TNFRSF21: variants seen among roughly 807,000 people sequenced by gnomAD.
The protein encoded by TNFRSF21 is tumor necrosis factor receptor superfamily member 21.
TNFRSF21 carries 19 observed loss-of-function variants against 45.6 expected under a neutral mutation model. That is an observed-to-expected ratio of 0.42 (90% CI 0.29 to 0.61). The LOEUF (loss-of-function observed/expected upper bound fraction) is 0.61, where lower values mean the gene tolerates loss of function less well. Ranked by LOEUF, TNFRSF21 falls within the 20% of genes least tolerant of loss-of-function variation. TNFRSF21 has a pLI of 0.23. For missense variants in TNFRSF21, 737 were observed against 851.5 expected, an observed-to-expected ratio of 0.87 and a Z score of 1.67; for synonymous variants, 314 against 335.5, an observed-to-expected ratio of 0.94 and a Z score of 0.70.
rs769939448 is a variant in TNFRSF21 at position 47,309,553 on chromosome 6, G to A, written c.-42C>T. 52 of 1,396,152 alleles carry A rather than the reference G, an allele frequency of 3.7e-5. 1 individual carries two copies. In the South Asian group the frequency reaches 6.1e-4, roughly 16 times the overall value. The allele number at this position is 1,396,152 out of a possible 1,614,324, so 86.5% of individuals were successfully genotyped here. A position where few individuals can be genotyped will look rare whatever the true frequency, so the allele number is the denominator to read the frequency against. Reference sequence around the variant, plus strand: ...CGCAGGGGCGCCCGGGGCGCGCGGGGCAGCTGGAATCGGCGGCTGCTTCTG... The same window carrying A: ...CGCAGGGGCGCCCGGGGCGCGCGGGACAGCTGGAATCGGCGGCTGCTTCTG... On this transcript the variant is annotated 5_prime_UTR_variant, in exon 1 of 6. Transcript: ENST00000296861.
intron 3 of TNFRSF21, among the ~76,000 whole-genome samples, chr6:47,264,208 C>T (rs1762292389): frequency 2.0e-5 from 3 of 152,100 alleles, no homozygotes. Context: ...TTAGTTAAAA[C>T]ATGGAGTGAA....
At chr6:47,295,491 G>A (rs993148493) in intron 1 of TNFRSF21, among the ~76,000 whole-genome samples, 1 of 152,214 alleles carries the variant, frequency 6.6e-6, no homozygotes, top group African/African-American at 2.4e-5. Context: ...TGAAGAGGAA[G>A]CCCGTTACCG....
rs1437412790 is a variant in TNFRSF21 at position 47,284,168 on chromosome 6, T to C, written c.1013A>G (p.Gln338Arg). Residue 338 changes from glutamine (Q) to arginine (R), a missense_variant, in exon 3 of 6, where the codon CAG becomes CGG. Transcript: ENST00000296861. ...GATGTCAAAATGCTTGTGTAGGTTCTGTCTAGGATGTCCCCTCTTGGGGCC... is the reference window on the plus strand; with the variant it reads ...GATGTCAAAATGCTTGTGTAGGTTCCGTCTAGGATGTCCCCTCTTGGGGCC... ...IKGPKRGHPR[Q>R]NLHKHFDINE... The C allele has an allele frequency of 5.6e-6, 9 of 1,614,116 alleles. No homozygotes were observed. The Admixed American group carries it at 1.3e-4, about 24-fold the overall frequency.
At chr6:47,305,747 T>C (rs1451282817) in intron 1 of TNFRSF21, among the ~76,000 whole-genome samples, 1 of 152,226 alleles carries the variant, frequency 6.6e-6, no homozygotes, top group Non-Finnish European at 1.5e-5. Flanking sequence ...CTATCTGGAA[T>C]TCATAATGCT....
At chr6:47,286,984 C>A (rs184236005) in intron 1 of TNFRSF21, among the ~76,000 whole-genome samples, 1 of 152,128 alleles carries the variant, frequency 6.6e-6, no homozygotes, top group African/African-American at 2.4e-5. Context: ...TGGCTCACAC[C>A]TGTAATTTTT....
intron 3 of TNFRSF21, 85 bp downstream of exon 3, chr6:47,283,853 C>T (rs1447739050): frequency 1.1e-5 from 16 of 1,516,566 alleles, no homozygotes; most frequent in South Asian, 4.0e-5. Flanking sequence ...CCACAAACTA[C>T]GCATTCCCAT....
chr6:47,257,490 C>T (rs1478934467), intron 3 of TNFRSF21, among the ~76,000 whole-genome samples: 1 of 152,172 alleles, frequency 6.6e-6, no homozygotes, highest in Non-Finnish European at 1.5e-5. Flanking sequence ...TAGTCTAGCA[C>T]ATTATCACAA....
chr6:47,297,112 G>C (rs1372652506), intron 1 of TNFRSF21, among the ~76,000 whole-genome samples: 2 of 152,168 alleles, frequency 1.3e-5, no homozygotes, highest in Admixed American at 6.5e-5. Flanking sequence ...GGTCAGAACT[G>C]AATTGAACTA....
intron 3 of TNFRSF21, among the ~76,000 whole-genome samples, chr6:47,273,734 A>G (rs2113859267): frequency 6.6e-6 from 1 of 152,352 alleles, no homozygotes; most frequent in Middle Eastern, 3.4e-3. Context: ...CCCTGTTTGC[A>G]GATGACATGA....
At chr6:47,281,155 T>G (rs1012672854) in intron 3 of TNFRSF21, among the ~76,000 whole-genome samples, 3 of 152,128 alleles carry the variant, frequency 2.0e-5, no homozygotes, top group African/African-American at 7.2e-5. Context: ...CTGCTAAATT[T>G]ATTAAGGTTG....
At chr6:47,263,622 G>T (rs964312022) in intron 3 of TNFRSF21, among the ~76,000 whole-genome samples, 2 of 152,142 alleles carry the variant, frequency 1.3e-5, no homozygotes, top group East Asian at 3.9e-4. Flanking sequence ...GAAAAGGGAG[G>T]CAACAGTGTC....
rs538730063 is a variant in TNFRSF21 at position 47,289,850 on chromosome 6, C to T, written c.97-3255G>A. ...CTCTACTAAAAATACAAAAATTAGC[C>T]AGATGTGGTGGAGCATGCCTGTAAT... is the stretch of plus-strand genomic sequence containing the variant. On this transcript the variant is annotated intron_variant, in intron 1 of 5. Coordinates refer to ENST00000296861, the MANE Select transcript of TNFRSF21 (RefSeq NM_014452.5). Among the ~76,000 whole-genome samples the T allele has an allele frequency of 3.9e-5, 6 of 152,188 alleles. No homozygotes were observed. In the East Asian group the frequency reaches 5.8e-4, roughly 15 times the overall value.
chr6:47,270,196 C>A (rs1483284748), intron 3 of TNFRSF21, among the ~76,000 whole-genome samples: 1 of 152,168 alleles, frequency 6.6e-6, no homozygotes, highest in Non-Finnish European at 1.5e-5. Context: ...CAAGTGGGTC[C>A]CTGACCCCCG....
In TNFRSF21 at chr6:47,235,999, A is replaced by T. The variant is rs572585372; in HGVS notation, c.1510-1101T>A. Among the ~76,000 whole-genome samples the T allele has an allele frequency of 2.0e-5, 3 of 152,350 alleles. No individual in the cohort carries two copies. The East Asian group carries it at 5.8e-4, about 29-fold the overall frequency. On this transcript the variant is annotated intron_variant, in intron 4 of 5. Coordinates refer to ENST00000296861, the MANE Select transcript of TNFRSF21 (RefSeq NM_014452.5). The stretch of plus-strand genomic sequence containing the variant: ...GGGAGAGCAGTTAGGACGCTCCTAC[A>T]GTGGCTACATACAGTATGACTATGG...
At chr6:47,291,142 G>C (rs1190459715) in intron 1 of TNFRSF21, among the ~76,000 whole-genome samples, 1 of 152,166 alleles carries the variant, frequency 6.6e-6, no homozygotes, top group Non-Finnish European at 1.5e-5. Context: ...GTTAGGCAGA[G>C]GGAACACCAG....
chr6:47,236,909 A>T (rs1764671133), intron 4 of TNFRSF21, among the ~76,000 whole-genome samples: 1 of 152,142 alleles, frequency 6.6e-6, no homozygotes, highest in Non-Finnish European at 1.5e-5. Flanking sequence ...CCCACAAATC[A>T]CATGCCAATG....
At chr6:47,270,354 T>TGATA (rs887550127) in intron 3 of TNFRSF21, among the ~76,000 whole-genome samples, 5 of 152,190 alleles carry the variant, frequency 3.3e-5, no homozygotes, top group African/African-American at 4.8e-5. Context: ...CATCCACTGG[T>TGATA]GATACCCAGG....
intron 4 of TNFRSF21, among the ~76,000 whole-genome samples, chr6:47,235,169 G>A (rs76798872): frequency 0.037 from 5,636 of 152,206 alleles, 346 homozygotes; most frequent in African/African-American, 0.13. Context: ...GAACATGGGT[G>A]TAAGGAGAAA....
chr6:47,234,817 C>G lies in TNFRSF21; in HGVS notation c.1591G>C (p.Glu531Gln). 6.4e-7 allele frequency: 1 copy of G among 1,557,306 alleles called. No homozygotes were observed. The highest frequency in any genetic ancestry group is 8.7e-7 in the Non-Finnish European group (1 of 1,155,494). Residue 531 changes from glutamate (E) to glutamine (Q), a missense_variant, in exon 5 of 6, where the codon GAG (glutamate) becomes CAG (glutamine). Glu to Gln is a conservative substitution (Grantham distance 29). Transcript: ENST00000296861. ...TCCACCGTCAGGAGAGCGGAATTCT[C>G]AAGTTTCGCGTTGGGGCTGGGGATG... ...SPIPSPNAKL[E>Q]NSALLTVEPS... is the part of the protein sequence containing the mutation.
Sources: allele counts gnomAD v4.1 joint callset (sites outside exome capture counted in the v4.1 genomes callset), GRCh38; gene constraint gnomAD v4.1.1; transcripts MANE v1.5; gene names NCBI Gene and HGNC (gene_info 2026-07-23, HGNC 2026-07-21).